The following ZNF513 variants were observed in gnomAD, a reference collection of about 807,000 sequenced individuals.
The protein encoded by ZNF513 is zinc finger protein 513.
A neutral mutation model predicts 39.7 loss-of-function variants in ZNF513; 16 were observed. That is an observed-to-expected ratio of 0.40 (90% CI 0.27 to 0.61). The LOEUF is 0.61. Ranked by LOEUF, ZNF513 falls within the 20% of genes least tolerant of loss-of-function variation. The probability of loss-of-function intolerance (pLI) is 0.39; values close to 1 mark genes in which losing one functional copy is unlikely to be tolerated. For missense variants in ZNF513, 699 were observed against 743.6 expected, an observed-to-expected ratio of 0.94 and a Z score of 0.70; for synonymous variants, 348 against 296.5, an observed-to-expected ratio of 1.17 and a Z score of -1.79.
At chr2:27,380,032 C>A in intron 2 of ZNF513, 61 bp downstream of exon 2, 1 of 1,610,444 alleles carries the variant, frequency 6.2e-7, no homozygotes, top group South Asian at 1.1e-5. Flanking sequence ...ACCTAACCTG[C>A]CTCCTGAAGG....
Position 27,378,444 on chromosome 2 carries a change from C to G in ZNF513, c.799+23G>C, listed in dbSNP as rs192221963. The stretch of plus-strand genomic sequence containing the variant: ...GGGTCAGCCACCCATGTCCCAAGAT[C>G]TTTGGTCCCTGGTGTGTCTTACCTT... On this transcript the variant is annotated intron_variant, in intron 3 of 3. Transcript: ENST00000323703. This position sits in a 1 kb window ranked among gnomAD's most constrained non-coding sequence, Gnocchi z 8.0. 530 of 1,613,938 alleles carry G rather than the reference C, an allele frequency of 3.3e-4. 2 individuals carry two copies. The African/African-American group carries it at 6.6e-3, about 20-fold the overall frequency.
At chr2:27,379,826 G>C (rs1402756805) in intron 2 of ZNF513, among the ~76,000 whole-genome samples, 1 of 152,190 alleles carries the variant, frequency 6.6e-6, no homozygotes, top group Admixed American at 6.5e-5. Flanking sequence ...GCTAGGGAGA[G>C]AGACAGGGCA....
Position 27,378,988 on chromosome 2 carries a change from C to CG in ZNF513, c.277dup (p.Arg93ProfsTer8). The CG allele has an allele frequency of 6.2e-7, 1 of 1,613,002 alleles. No homozygotes were observed. Among genetic ancestry groups the CG allele is most frequent in the Non-Finnish European group, 8.5e-7 (1 of 1,179,904 alleles). ...AACTTCACTCTCCGCACTTAGTGCCCGGCCGCCCCCAGACTCATCGTCGCT... is the reference window on the plus strand; with the variant it reads ...AACTTCACTCTCCGCACTTAGTGCCCGGGCCGCCCCCAGACTCATCGTCGCT... On this transcript the variant is annotated frameshift_variant, in exon 3 of 4. Coordinates refer to ENST00000323703, the MANE Select transcript of ZNF513 (RefSeq NM_144631.6). LOFTEE classifies it high-confidence loss of function. The surrounding 1 kb of genome is among the most constrained non-coding windows in gnomAD (Gnocchi z 8.0).
chr2:27,379,070 T>C lies in ZNF513; in HGVS notation c.212-16A>G, dbSNP rs770472301. On this transcript the variant is annotated splice_polypyrimidine_tract_variant and intron_variant, in intron 2 of 3. Coordinates refer to ENST00000323703, the MANE Select transcript of ZNF513 (RefSeq NM_144631.6). ...AGAGAGTCTCCTGGTGAAATAGACA[T>C]AAGAAGAGACATCAGCATAGGGTAG... 1 of 1,610,640 alleles carries C rather than the reference T, an allele frequency of 6.2e-7. No individual in the cohort carries two copies. The highest frequency in any genetic ancestry group is 8.5e-7 in the Non-Finnish European group (1 of 1,178,398).
rs1392230696 is a variant in ZNF513 at position 27,377,950 on chromosome 2, C to T, written c.1221G>A (p.Gln407=). ...AGGGCTTCTCTCCTGTATGGACGCG[C>T]TGGTGCCGTTTCAGGTTATCCAGAT... is the stretch of plus-strand genomic sequence containing the variant. ...SAHLDNLKRH[Q]RVHTGEKPYK... is the part of the protein sequence containing the mutation. The change falls in exon 4 of 4, where the codon CAG becomes CAA. Residue 407 remains glutamine (Q), a synonymous_variant. Transcript: ENST00000323703. The surrounding 1 kb of genome is among the most constrained non-coding windows in gnomAD (Gnocchi z 4.4). The T allele has an allele frequency of 6.2e-7, 1 of 1,613,944 alleles. No individual in the cohort carries two copies. Among genetic ancestry groups the T allele is most frequent in the Non-Finnish European group, 8.5e-7 (1 of 1,179,960 alleles).
Position 27,378,864 on chromosome 2 carries a change from C to G in ZNF513, c.402G>C (p.Gly134=). 6.2e-7 allele frequency: 1 copy of G among 1,604,814 alleles called. No individual in the cohort carries two copies. Among genetic ancestry groups the G allele is most frequent in the Non-Finnish European group, 8.5e-7 (1 of 1,175,732 alleles). Residue 134 remains glycine (G), a synonymous_variant, in exon 3 of 4, where the codon GGG becomes GGC. Coordinates refer to ENST00000323703, the MANE Select transcript of ZNF513 (RefSeq NM_144631.6). The surrounding 1 kb of genome is among the most constrained non-coding windows in gnomAD (Gnocchi z 8.0). ...GGPTGEGPCC[G]AGGPGGGPLL... ...GGGGCCCCCCACCCGGCCCTCCTGC[C>G]CCACAACACGGCCCCTCACCTGTCG...
chr2:27,377,371 C>G lies in ZNF513; in HGVS notation c.*174G>C. The G allele has an allele frequency of 1.3e-6, 1 of 742,354 alleles. No individual in the cohort carries two copies. The allele number at this position is 742,354 out of a possible 1,614,324, so 46.0% of individuals were successfully genotyped here. On this transcript the variant is annotated 3_prime_UTR_variant, in exon 4 of 4. Transcript: ENST00000323703. The surrounding 1 kb of genome is among the most constrained non-coding windows in gnomAD (Gnocchi z 4.4). ...AATACAGGGCCCTTCTCACTGAGCTCGTGAAGTGCCTCAGTCAAGGCAAGG... is the reference window on the plus strand; with the variant it reads ...AATACAGGGCCCTTCTCACTGAGCTGGTGAAGTGCCTCAGTCAAGGCAAGG...
rs1683465083 is a variant in ZNF513 at position 27,378,599 on chromosome 2, G to A, written c.667C>T (p.Arg223Trp). ...FACSSLGNLR[R>W]HQRTHAGPPT... is the part of the protein sequence containing the mutation. ...GGCCCTGCGTGGGTACGCTGATGCC[G>A]CCTCAGGTTGCCCAGGCTGCTGCAG... is the stretch of plus-strand genomic sequence containing the variant. Residue 223 changes from arginine (R) to tryptophan (W), a missense_variant, in exon 3 of 4, where the codon CGG becomes TGG. By Grantham distance (101) the Arg-to-Trp change is moderately radical. This residue lies in a region of ZNF513 where 530 missense variants were observed against 499.3 expected (regional missense o/e 1.06). Transcript: ENST00000323703. This position sits in a 1 kb window ranked among gnomAD's most constrained non-coding sequence, Gnocchi z 8.0. The A allele has an allele frequency of 1.9e-6, 3 of 1,613,872 alleles. No individual in the cohort carries two copies. Among genetic ancestry groups the A allele is most frequent in the Non-Finnish European group, 2.5e-6 (3 of 1,179,982 alleles).
rs1485490014 is a variant in ZNF513, at chr2:27,377,540, C to T, written c.*5G>A. The T allele has an allele frequency of 6.2e-7, 1 of 1,613,934 alleles. No homozygotes were observed. The highest frequency in any genetic ancestry group is 1.7e-5 in the Admixed American group (1 of 60,030). ...TGTATAAAACATGGGGAAGAAGGACCTAGTTCAGGATGAGTCTGTGTGGAC... is the reference window on the plus strand; with the variant it reads ...TGTATAAAACATGGGGAAGAAGGACTTAGTTCAGGATGAGTCTGTGTGGAC... On this transcript the variant is annotated 3_prime_UTR_variant, in exon 4 of 4. Coordinates refer to ENST00000323703, the MANE Select transcript of ZNF513 (RefSeq NM_144631.6). This position sits in a 1 kb window ranked among gnomAD's most constrained non-coding sequence, Gnocchi z 4.4.
rs1683430437 is a variant in ZNF513 at position 27,378,121 on chromosome 2, C to T, written c.1050G>A (p.Gly350=). The T allele has an allele frequency of 6.2e-7, 1 of 1,613,698 alleles. No individual in the cohort carries two copies. The highest frequency in any genetic ancestry group is 8.5e-7 in the Non-Finnish European group (1 of 1,179,790). ...MRGEAGGGAS[G]GPQGPSDKGF... ...CTTTGTCACTGGGGCCCTGGGGCCC[C>T]CCACTGGCACCCCCTCCAGCCTCTC... The change falls in exon 4 of 4, where the codon GGG becomes GGA. Residue 350 remains glycine, a synonymous_variant. Transcript: ENST00000323703. The surrounding 1 kb of genome is among the most constrained non-coding windows in gnomAD (Gnocchi z 8.0).
Position 27,379,092 on chromosome 2 carries a change from G to A in ZNF513, c.212-38C>T, listed in dbSNP as rs762158981. The stretch of plus-strand genomic sequence containing the variant: ...ACATAAGAAGAGACATCAGCATAGG[G>A]TAGGATCAGGCTCCAAACTCTCCCC... On this transcript the variant is annotated intron_variant, in intron 2 of 3. Coordinates refer to ENST00000323703, the MANE Select transcript of ZNF513 (RefSeq NM_144631.6). 5 of 1,596,704 alleles carry A rather than the reference G, an allele frequency of 3.1e-6. No individual in the cohort carries two copies. In the Admixed American group the frequency reaches 6.7e-5, roughly 22 times the overall value.
Position 27,377,237 on chromosome 2 carries a change from T to C in ZNF513, c.*308A>G. The C allele has an allele frequency of 1.8e-5, 10 of 544,032 alleles. No homozygotes were observed. The South Asian group carries it at 2.0e-4, about 11-fold the overall frequency. The allele number at this position is 544,032 out of a possible 1,614,324, so 33.7% of individuals were successfully genotyped here. ...TGCCAATTCAGCATAGACATGGCTT[T>C]GTTAGTGTTTCCTTTATTATAAAGC... On this transcript the variant is annotated 3_prime_UTR_variant, in exon 4 of 4. Coordinates refer to ENST00000323703, the MANE Select transcript of ZNF513 (RefSeq NM_144631.6). The surrounding 1 kb of genome is among the most constrained non-coding windows in gnomAD (Gnocchi z 4.4).
chr2:27,380,433 A>G (rs1163764993), intron 1 of ZNF513, 39 bp downstream of exon 1: 2 of 1,526,234 alleles, frequency 1.3e-6, no homozygotes, highest in Non-Finnish European at 8.8e-7. Flanking sequence ...CACTGACCCC[A>G]CCCCCGCTCC....
rs976961878 is a variant in ZNF513 at position 27,378,915 on chromosome 2, G to A, written c.351C>T (p.Gly117=). 2 of 1,606,904 alleles carry A rather than the reference G, an allele frequency of 1.2e-6. No individual in the cohort carries two copies. The highest frequency in any genetic ancestry group is 2.7e-5 in the African/African-American group (2 of 74,750). ...GCCCCCCACACAGCTGGCAGGCTGGGCCTGGCCTCTCACCCCTGGCCTCCC... is the reference window on the plus strand; with the variant it reads ...GCCCCCCACACAGCTGGCAGGCTGGACCTGGCCTCTCACCCCTGGCCTCCC... The part of the protein sequence containing the change: ...GPGEARGERP[G]PACQLCGGPT... The change falls in exon 3 of 4, where the codon GGC becomes GGT. Residue 117 remains glycine (G), a synonymous_variant. Coordinates refer to ENST00000323703, the MANE Select transcript of ZNF513 (RefSeq NM_144631.6). The surrounding 1 kb of genome is among the most constrained non-coding windows in gnomAD (Gnocchi z 8.0).
At chr2:27,379,079 A>G in intron 2 of ZNF513, 25 bp from the exon 3 acceptor site, 1 of 1,606,992 alleles carries the variant, frequency 6.2e-7, no homozygotes, top group Non-Finnish European at 8.5e-7. Context: ...ATAAGAAGAG[A>G]CATCAGCATA....
chr2:27,377,668 C>A lies in ZNF513; in HGVS notation c.1503G>T (p.Gly501=). 6.2e-7 allele frequency: 1 copy of A among 1,614,132 alleles called. No homozygotes were observed. The highest frequency in any genetic ancestry group is 8.5e-7 in the Non-Finnish European group (1 of 1,180,018). Residue 501 remains glycine (G), a synonymous_variant, in exon 4 of 4, where the codon GGG becomes GGT. Transcript: ENST00000323703. This position sits in a 1 kb window ranked among gnomAD's most constrained non-coding sequence, Gnocchi z 4.4. The part of the protein sequence containing the change: ...QKVHGHGGAG[G]PGLSASEGWA... ...AGCCCTCAGAGGCAGAGAGACCAGG[C>A]CCTCCTGCCCCACCGTGGCCATGCA...
chr2:27,380,366 C>A, intron 1 of ZNF513, 106 bp downstream of exon 1: 1 of 1,595,182 alleles, frequency 6.3e-7, no homozygotes, highest in East Asian at 2.3e-5. Context: ...AGCTAGGAGT[C>A]TGGATCGCCC....
At position 27,377,773 on chromosome 2, in the gene ZNF513, G is replaced by A; in HGVS notation, c.1398C>T (p.His466=). The A allele has an allele frequency of 6.2e-7, 1 of 1,614,230 alleles. No homozygotes were observed. Among genetic ancestry groups the A allele is most frequent in the East Asian group, 2.2e-5 (1 of 44,892 alleles). ...CACAGCGGAAGGGCTTCTCGCCTGT[G>A]TGCCGCAGCATGTGACGTTTGAGGT... is the stretch of plus-strand genomic sequence containing the variant. ...SMNLKRHMLR[H]TGEKPFRCAT... The change falls in exon 4 of 4, where the codon CAC becomes CAT. Residue 466 remains histidine (H), a synonymous_variant. Transcript: ENST00000323703. The surrounding 1 kb of genome is among the most constrained non-coding windows in gnomAD (Gnocchi z 4.4).
rs200685946 is a variant in ZNF513 at position 27,377,688 on chromosome 2, C to T, written c.1483G>A (p.Gly495Ser). The T allele has an allele frequency of 7.8e-5, 126 of 1,614,094 alleles. No individual in the cohort carries two copies. The highest frequency in any genetic ancestry group is 5.0e-4 in the Admixed American group (30 of 60,016). ...CCAGGCCCTCCTGCCCCACCGTGGCCATGCACCTTCTGGTGGCGCTTGTAG... is the reference window on the plus strand; with the variant it reads ...CCAGGCCCTCCTGCCCCACCGTGGCTATGCACCTTCTGGTGGCGCTTGTAG... ...DNYKRHQKVHGHGGAGGPGLS... is the reference protein window; with the variant it reads ...DNYKRHQKVHSHGGAGGPGLS... The change falls in exon 4 of 4, where the codon GGC (glycine) becomes AGC (serine). Residue 495 changes from glycine (G) to serine (S), a missense_variant. Around this residue, in one of 3 missense-constraint regions of ZNF513, gnomAD observed 71 missense variants for 64.1 expected, o/e 1.11. Coordinates refer to ENST00000323703, the MANE Select transcript of ZNF513 (RefSeq NM_144631.6). This position sits in a 1 kb window ranked among gnomAD's most constrained non-coding sequence, Gnocchi z 4.4.
Sources: allele counts gnomAD v4.1 joint callset (sites outside exome capture counted in the v4.1 genomes callset), GRCh38; gene constraint gnomAD v4.1.1; regional missense constraint gnomAD v4.1.1; non-coding constraint Gnocchi (gnomAD v3.1); transcripts MANE v1.5; gene names NCBI Gene and HGNC (gene_info 2026-07-23, HGNC 2026-07-21).